The following NALCN variants were observed in gnomAD, a reference collection of about 807,000 sequenced individuals.
NALCN encodes the protein sodium leak channel, non-selective, also known as sodium leak channel NALCN.
In NALCN, 111 loss-of-function variants were observed where a neutral mutation model predicts 225.3. The ratio of observed to expected loss-of-function variants is 0.49; its 90% CI spans 0.42 to 0.58. NALCN has a LOEUF of 0.58. Among genes scored for constraint, NALCN ranks in the 20% least tolerant of loss-of-function variants. NALCN has a pLI of 0.00. For missense variants in NALCN, 1,378 were observed against 2,202.4 expected (o/e 0.63, Z 7.49); for synonymous variants, 764 against 769.0 (o/e 0.99, Z 0.11).
intron 20 of NALCN, among the ~76,000 whole-genome samples, chr13:101,108,683 G>T (rs968146289): frequency 2.6e-5 from 4 of 152,110 alleles, no homozygotes; most frequent in African/African-American, 9.7e-5. Flanking sequence ...TGCCAGTGTG[G>T]GTAAAGCTAA....
intron 12 of NALCN, among the ~76,000 whole-genome samples, chr13:101,234,901 A>G (rs958222099): frequency 1.3e-5 from 2 of 152,146 alleles, no homozygotes; most frequent in African/African-American, 4.8e-5. Context: ...AAATGGTTAC[A>G]GCCTTGCAGG....
intron 18 of NALCN, among the ~76,000 whole-genome samples, chr13:101,113,088 A>T (rs2035530652): frequency 1.3e-5 from 2 of 152,360 alleles, no homozygotes; most frequent in Admixed American, 1.3e-4. Context: ...TCTTGGAAAC[A>T]AACCCTAAAT....
At chr13:101,161,042 C>G (rs1035020353) in intron 15 of NALCN, among the ~76,000 whole-genome samples, 1 of 152,198 alleles carries the variant, frequency 6.6e-6, no homozygotes, top group Admixed American at 6.5e-5. Flanking sequence ...TTTTTCTTCC[C>G]ACCCTATACA....
At chr13:101,407,314 G>A (rs2047653102) in intron 1 of NALCN, among the ~76,000 whole-genome samples, 1 of 152,178 alleles carries the variant, frequency 6.6e-6, no homozygotes, top group Non-Finnish European at 1.5e-5. Flanking sequence ...CTCTCAGAGG[G>A]AATGACTACA....
intron 9 of NALCN, among the ~76,000 whole-genome samples, chr13:101,288,273 GT>G (rs1428753452): frequency 1.3e-5 from 2 of 152,108 alleles, no homozygotes; most frequent in Admixed American, 6.5e-5. Flanking sequence ...TAATTGAATT[GT>G]TTTCTCACAT....
intron 7 of NALCN, among the ~76,000 whole-genome samples, chr13:101,303,001 C>T (rs1406879721): frequency 2.0e-5 from 3 of 152,000 alleles, no homozygotes; most frequent in Admixed American, 6.6e-5. Flanking sequence ...ACTGTATATT[C>T]CTACTTTTCC....
At chr13:101,343,441 C>CT (rs2045620113) in intron 7 of NALCN, among the ~76,000 whole-genome samples, 10 of 152,220 alleles carry the variant, frequency 6.6e-5, no homozygotes, top group Admixed American at 3.9e-4. Context: ...AACAAGAAAA[C>CT]AACTAAATTC....
chr13:101,413,636 A>C (rs1408680242), intron 1 of NALCN, among the ~76,000 whole-genome samples: 2 of 152,156 alleles, frequency 1.3e-5, no homozygotes, highest in Non-Finnish European at 2.9e-5. Context: ...AGACTACAAA[A>C]AACACACAGA....
chr13:101,347,913 T>A (rs1049200721), intron 6 of NALCN, among the ~76,000 whole-genome samples: 2 of 152,074 alleles, frequency 1.3e-5, no homozygotes, highest in Non-Finnish European at 1.5e-5. Flanking sequence ...GTAGCATAAA[T>A]CCCAGCATGT....
Position 101,284,272 on chromosome 13 carries a change from A to C in NALCN, c.1048-253T>G, listed in dbSNP as rs78873331. On this transcript the variant is annotated intron_variant, in intron 9 of 43. Transcript: ENST00000251127. ...ACTTTCTGTCTTGCATATGCTTTGC[A>C]TATAATTGCTCAAATATTCTTCTCC... Among the ~76,000 whole-genome samples, 15,830 of 152,228 alleles carry C rather than the reference A, an allele frequency of 0.1. 1,133 individuals carry two copies. The highest frequency in any genetic ancestry group is 0.19 in the African/African-American group (8,076 of 41,514).
At chr13:101,240,076 T>C (rs1395544685) in intron 11 of NALCN, among the ~76,000 whole-genome samples, 1 of 152,126 alleles carries the variant, frequency 6.6e-6, no homozygotes, top group Admixed American at 6.5e-5. Flanking sequence ...TTGCTATATA[T>C]ACTGCAAACA....
intron 7 of NALCN, among the ~76,000 whole-genome samples, chr13:101,310,603 A>T (rs2139140711): frequency 6.6e-6 from 1 of 152,166 alleles, no homozygotes; most frequent in Admixed American, 6.5e-5. Context: ...ATTACTACGT[A>T]GCATGCTATT....
intron 14 of NALCN, among the ~76,000 whole-genome samples, chr13:101,190,844 T>C (rs2039650329): frequency 6.6e-6 from 1 of 152,210 alleles, no homozygotes; most frequent in Non-Finnish European, 1.5e-5. Context: ...GACAAAGACA[T>C]TTTTTCAGAC....
intron 13 of NALCN, among the ~76,000 whole-genome samples, chr13:101,192,494 CCTTT>C (rs2039722076): frequency 6.6e-6 from 1 of 151,858 alleles, no homozygotes; most frequent in Non-Finnish European, 1.5e-5. Context: ...TTTTATGGTA[CCTTT>C]CTATCATATT....
intron 7 of NALCN, among the ~76,000 whole-genome samples, chr13:101,344,810 T>C (rs1209459399): frequency 1.3e-5 from 2 of 152,208 alleles, no homozygotes; most frequent in African/African-American, 2.4e-5. Context: ...AGTTCATTAA[T>C]TGTATTCTAA....
chr13:101,348,594 T>G (rs7996217), intron 6 of NALCN, among the ~76,000 whole-genome samples: 2,310 of 149,174 alleles, frequency 0.015, 55 homozygotes, highest in African/African-American at 0.056. Context: ...CAACTGTTAA[T>G]GATTATGATT....
intron 7 of NALCN, among the ~76,000 whole-genome samples, chr13:101,294,006 T>G (rs538732269): frequency 5.3e-5 from 8 of 152,216 alleles, no homozygotes; most frequent in African/African-American, 1.9e-4. Context: ...GCTAGGCAAA[T>G]GGCGAAGTGG....
intron 10 of NALCN, among the ~76,000 whole-genome samples, chr13:101,271,056 T>C (rs1298022081): frequency 6.6e-6 from 1 of 152,150 alleles, no homozygotes; most frequent in African/African-American, 2.4e-5. Flanking sequence ...AGGATGAAAA[T>C]ATAATAGGAG....
chr13:101,214,955 G>T (rs1007396761), intron 13 of NALCN, among the ~76,000 whole-genome samples: 2 of 152,060 alleles, frequency 1.3e-5, no homozygotes, highest in Non-Finnish European at 2.9e-5. Flanking sequence ...AGAACTAGGG[G>T]GCATGAATAG....
Sources: gnomAD v4.1 joint callset for allele counts (sites outside exome capture counted in the v4.1 genomes callset) on GRCh38, gnomAD v4.1.1 for gene constraint, MANE v1.5 for transcripts, NCBI Gene and HGNC (gene_info 2026-07-23, HGNC 2026-07-21) for gene names.